Variants in PDGFRL observed in about 807,000 individuals in gnomAD.
PDGFRL encodes the protein platelet derived growth factor receptor like.
PDGFRL carries 46 observed loss-of-function variants against 37.2 expected under a neutral mutation model. The observed-to-expected ratio is 1.24, with a 90% CI of 0.98 to 1.58. The LOEUF is 1.58. Ranked by LOEUF, PDGFRL falls within the 40% of genes most tolerant of loss-of-function variation. PDGFRL has a pLI of 0.00. For missense variants in PDGFRL, 692 were observed against 467.6 expected, an observed-to-expected ratio of 1.48 and a Z score of -4.43; for synonymous variants, 251 against 184.3, an observed-to-expected ratio of 1.36 and a Z score of -2.93.
At position 17,609,510 on chromosome 8, in the gene PDGFRL, C is replaced by A. The variant is rs376686093; in HGVS notation, c.354-11541C>A. ...AAAATTACCTGGGTGTGGTGGCGTG[C>A]ACCTGTAATCCTAGCTACTCAGGAG... On this transcript the variant is annotated intron_variant, in intron 2 of 5. Transcript: ENST00000251630. 9.3e-5 allele frequency among the ~76,000 whole-genome samples: 14 copies of A among 150,628 alleles called. No homozygotes were observed. In the East Asian group the frequency reaches 2.8e-3, roughly 30 times the overall value.
chr8:17,628,736 G>A lies in PDGFRL; in HGVS notation c.755G>A (p.Gly252Asp), dbSNP rs746979097. The A allele has an allele frequency of 7.4e-6, 12 of 1,613,986 alleles. No homozygotes were observed. The South Asian group carries it at 7.7e-5, about 10-fold the overall frequency. The change falls in exon 4 of 6, where the codon GGC becomes GAC. Residue 252 changes from glycine to aspartate, a missense_variant. Coordinates refer to ENST00000251630, the MANE Select transcript of PDGFRL (RefSeq NM_001372073.1). ...GVVYCRAEAGGRSQISVKYQL... is the reference protein window; with the variant it reads ...GVVYCRAEAGDRSQISVKYQL... Reference sequence around the variant, plus strand: ...GTTTACTGCAGGGCGGAGGCCGGGGGCAGATCTCAGATCTCCGTCAAGTAC... The same window carrying A: ...GTTTACTGCAGGGCGGAGGCCGGGGACAGATCTCAGATCTCCGTCAAGTAC...
intron 1 of PDGFRL, among the ~76,000 whole-genome samples, chr8:17,579,034 C>T (rs984887220): frequency 1.3e-5 from 2 of 151,984 alleles, no homozygotes; most frequent in East Asian, 1.9e-4. Context: ...CCCGTCTCTA[C>T]TAAAAATATA....
At chr8:17,596,321 G>A in intron 2 of PDGFRL, 1 of 1,230,776 alleles carries the variant, frequency 8.1e-7, no homozygotes. Flanking sequence ...ACAGGCACAT[G>A]GGCTGCACGT....
At chr8:17,634,469 C>A (rs1190280671) in intron 5 of PDGFRL, among the ~76,000 whole-genome samples, 1 of 151,188 alleles carries the variant, frequency 6.6e-6, no homozygotes, top group Non-Finnish European at 1.5e-5. Flanking sequence ...AATGTACCCT[C>A]TTCATATGCA....
intron 1 of PDGFRL, among the ~76,000 whole-genome samples, chr8:17,582,594 A>C (rs1226162633): frequency 6.6e-6 from 1 of 151,994 alleles, no homozygotes; most frequent in East Asian, 1.9e-4. Flanking sequence ...AAAAAAAAAA[A>C]AAAAAACTTA....
At chr8:17,641,300 T>C (rs1805087645) in intron 5 of PDGFRL, among the ~76,000 whole-genome samples, 1 of 152,228 alleles carries the variant, frequency 6.6e-6, no homozygotes, top group African/African-American at 2.4e-5. Context: ...ACCCGAGTTC[T>C]GTCCAGGAAA....
intron 3 of PDGFRL, among the ~76,000 whole-genome samples, chr8:17,622,404 G>A (rs959825633): frequency 2.0e-5 from 3 of 151,920 alleles, no homozygotes; most frequent in Admixed American, 1.3e-4. Flanking sequence ...CCTTTCAGAC[G>A]TAGACCTAGA....
At chr8:17,607,187 G>T (rs1427981212) in intron 2 of PDGFRL, among the ~76,000 whole-genome samples, 1 of 152,078 alleles carries the variant, frequency 6.6e-6, no homozygotes, top group African/African-American at 2.4e-5. Flanking sequence ...TTAGACGTGT[G>T]TCTCAATCCC....
intron 3 of PDGFRL, among the ~76,000 whole-genome samples, chr8:17,623,563 G>A (rs575324426): frequency 1.6e-3 from 239 of 152,210 alleles, no homozygotes; most frequent in Non-Finnish European, 2.9e-3. Flanking sequence ...CTTAGCTTGG[G>A]CAGAATATCC....
chr8:17,623,988 A>G lies in PDGFRL; in HGVS notation c.505+2786A>G, dbSNP rs576572521. Among the ~76,000 whole-genome samples the G allele has an allele frequency of 1.2e-4, 19 of 152,092 alleles. No individual in the cohort carries two copies. The South Asian group carries it at 3.9e-3, about 32-fold the overall frequency. On this transcript the variant is annotated intron_variant, in intron 3 of 5. Coordinates refer to ENST00000251630, the MANE Select transcript of PDGFRL (RefSeq NM_001372073.1). ...AAGCTAAAATATATTCATTCCAACT[A>G]TCAAGAAACTTTGATCAAAAAAAAT...
intron 2 of PDGFRL, among the ~76,000 whole-genome samples, chr8:17,606,292 TGTGA>T (rs760176289): frequency 9.9e-5 from 15 of 152,246 alleles, no homozygotes; most frequent in East Asian, 3.8e-4. Flanking sequence ...CATATCATTA[TGTGA>T]GTGTCTTTTG....
intron 1 of PDGFRL, among the ~76,000 whole-genome samples, chr8:17,583,904 A>C (rs1253351251): frequency 6.6e-6 from 1 of 152,160 alleles, no homozygotes; most frequent in Non-Finnish European, 1.5e-5. Flanking sequence ...CCAGTCTTGA[A>C]TCTTCTGGCC....
chr8:17,634,207 G>A lies in PDGFRL; in HGVS notation c.933G>A (p.Gly311=), dbSNP rs1452281606. Residue 311 remains glycine (G), a synonymous_variant, in exon 5 of 6, where the codon GGG becomes GGA. Coordinates refer to ENST00000251630, the MANE Select transcript of PDGFRL (RefSeq NM_001372073.1). ...TGGAGTTCACCTGGATCTTCCCAGG[G>A]CAGAAGGTAAGTGTTGTACCTGCAT... is the stretch of plus-strand genomic sequence containing the variant. The part of the protein sequence containing the change: ...VEVEFTWIFP[G]QKDERPVTIQ... The A allele has an allele frequency of 1.9e-6, 3 of 1,611,720 alleles. No individual in the cohort carries two copies. In the South Asian group the frequency reaches 3.3e-5, roughly 18 times the overall value.
rs1804621392 is a variant in PDGFRL, at chr8:17,621,097, A to G, written c.400A>G (p.Thr134Ala). The G allele has an allele frequency of 6.2e-7, 1 of 1,611,982 alleles. No homozygotes were observed. The highest frequency in any genetic ancestry group is 1.3e-5 in the African/African-American group (1 of 74,816). ...CGGCCAGTTGACTCTGGTCAACTCC[A>G]CCTCGGCAGACACAGGTGAATTCAG... Reference protein sequence around the residue: ...RYGQLTLVNSTSADTGEFSCW... With the variant: ...RYGQLTLVNSASADTGEFSCW... The change falls in exon 3 of 6, where the codon ACC (threonine) becomes GCC (alanine). Residue 134 changes from threonine to alanine, a missense_variant. Thr to Ala is a moderately conservative substitution (Grantham distance 58, BLOSUM62 0). Transcript: ENST00000251630.
At chr8:17,597,820 C>A (rs564568790) in intron 2 of PDGFRL, among the ~76,000 whole-genome samples, 44 of 152,008 alleles carry the variant, frequency 2.9e-4, no homozygotes, top group African/African-American at 1.0e-3. Flanking sequence ...CTCTAAGGAC[C>A]CACTCAACTA....
At chr8:17,628,402 T>G (rs921899227) in intron 3 of PDGFRL, 85 bp from the exon 4 acceptor site, 37 of 986,284 alleles carry the variant, frequency 3.8e-5, no homozygotes, top group Non-Finnish European at 5.6e-5. Context: ...GACTCAGTAT[T>G]CAGAGTATGC....
rs544649172 is a variant in PDGFRL, at chr8:17,631,265, C to T, written c.799+2485C>T. ...ATAGTTTCTCTTCTGGCACTGTAGT[C>T]CCTCAAAGGTGACTTTAGTCTCTCC... On this transcript the variant is annotated intron_variant, in intron 4 of 5. Coordinates refer to ENST00000251630, the MANE Select transcript of PDGFRL (RefSeq NM_001372073.1). Among the ~76,000 whole-genome samples the T allele has an allele frequency of 2.6e-5, 4 of 152,220 alleles. No homozygotes were observed. The South Asian group carries it at 8.3e-4, about 32-fold the overall frequency.
intron 2 of PDGFRL, among the ~76,000 whole-genome samples, chr8:17,606,545 G>T (rs1009703665): frequency 6.6e-6 from 1 of 152,150 alleles, no homozygotes. Flanking sequence ...AAGGTAGAGC[G>T]TTCTCTTTCC....
At chr8:17,620,726 T>C (rs775485200) in intron 2 of PDGFRL, among the ~76,000 whole-genome samples, 1 of 152,142 alleles carries the variant, frequency 6.6e-6, no homozygotes, top group Non-Finnish European at 1.5e-5. Flanking sequence ...TTTTGAATTG[T>C]TGCAAAAAAT....
Sources: gnomAD v4.1 joint callset for allele counts (sites outside exome capture counted in the v4.1 genomes callset) on GRCh38, gnomAD v4.1.1 for gene constraint, MANE v1.5 for transcripts, NCBI Gene and HGNC (gene_info 2026-07-23, HGNC 2026-07-21) for gene names.